IQSEC3: variants seen among roughly 807,000 people sequenced by gnomAD.
IQSEC3 encodes IQ motif and SEC7 domain-containing protein 3.
In IQSEC3, 50 loss-of-function variants were observed where a neutral mutation model predicts 105.4. The ratio of observed to expected loss-of-function variants is 0.47; its 90% confidence interval spans 0.38 to 0.60. IQSEC3 has a LOEUF of 0.60. Ranked by LOEUF, IQSEC3 falls within the 20% of genes least tolerant of loss-of-function variation. The pLI, the probability that IQSEC3 is intolerant of heterozygous loss-of-function variation, is 0.00. For missense variants in IQSEC3, 1,415 were observed against 1,630.0 expected (o/e 0.87, Z 2.27); for synonymous variants, 708 against 746.0 (o/e 0.95, Z 0.83).
At chr12:157,869 C>T (rs933837678) in intron 7 of IQSEC3, among the ~76,000 whole-genome samples, 175 bp downstream of exon 7, 4 of 152,226 alleles carry the variant, frequency 2.6e-5, no homozygotes, top group South Asian at 2.1e-4. Flanking sequence ...GGGGAGTTTC[C>T]GGCATGCAGC....
intron 1 of IQSEC3, among the ~76,000 whole-genome samples, chr12:94,439 T>A (rs782463182): frequency 6.6e-6 from 1 of 152,160 alleles, no homozygotes; most frequent in Non-Finnish European, 1.5e-5. Flanking sequence ...GACTTACAAT[T>A]CAGCATGAGC....
chr12:167,591 G>T (rs117080934), intron 11 of IQSEC3: 1 of 124,938 alleles, frequency 8.0e-6, no homozygotes, highest in Non-Finnish European at 1.8e-5. Flanking sequence ...AAAAAAAAAA[G>T]AAAATGGGCT....
rs1555098300 is a variant in IQSEC3 at position 165,891 on chromosome 12, G to A, written c.2971+1G>A. On this transcript the variant is annotated splice_donor_variant, in intron 11 of 13. Coordinates refer to ENST00000538872, the MANE Select transcript of IQSEC3 (RefSeq NM_001170738.2). LOFTEE classifies it high-confidence loss of function. ...GAGCTGGAGCAGATCCGAATAGAGTGTAAGGACACGGGCTCCCGAGGCAGC... is the reference window on the plus strand; with the variant it reads ...GAGCTGGAGCAGATCCGAATAGAGTATAAGGACACGGGCTCCCGAGGCAGC... The A allele has an allele frequency of 3.7e-6, 6 of 1,612,712 alleles. No individual in the cohort carries two copies. The highest frequency in any genetic ancestry group is 3.4e-6 in the Non-Finnish European group (4 of 1,178,994).
At chr12:78,922 C>G (rs141506455) in intron 1 of IQSEC3, among the ~76,000 whole-genome samples, 3 of 152,170 alleles carry the variant, frequency 2.0e-5, no homozygotes, top group Admixed American at 6.5e-5. Context: ...ACCCCCCACC[C>G]TGACCCCGGC....
intron 5 of IQSEC3, among the ~76,000 whole-genome samples, chr12:156,732 G>A (rs1555094364): frequency 2.0e-5 from 3 of 152,194 alleles, no homozygotes; most frequent in African/African-American, 7.2e-5. Flanking sequence ...GTACTCTGAG[G>A]TTAAGAAGGA....
Position 141,110 on chromosome 12 carries a change from A to ACCC in IQSEC3, c.1992-11_1992-9dup. On this transcript the variant is annotated splice_polypyrimidine_tract_variant and intron_variant, in intron 4 of 13. Coordinates refer to ENST00000538872, the MANE Select transcript of IQSEC3 (RefSeq NM_001170738.2). ...AGCTCACTCTCTACTGCTTCTCCCC[A>ACCC]CCCCCACCTCCAGAAACCCCGACAA... 5 of 1,223,574 alleles carry ACCC rather than the reference A, an allele frequency of 4.1e-6. No homozygotes were observed. Among genetic ancestry groups the ACCC allele is most frequent in the Non-Finnish European group, 5.5e-6 (5 of 904,150 alleles). The allele number at this position is 1,223,574 out of a possible 1,614,324, so 75.8% of individuals were successfully genotyped here. A position where few individuals can be genotyped will look rare whatever the true frequency, so the allele number is the denominator to read the frequency against.
chr12:145,460 C>T (rs1555090715), intron 5 of IQSEC3, among the ~76,000 whole-genome samples: 1 of 152,274 alleles, frequency 6.6e-6, no homozygotes. Context: ...TACTTAAAAG[C>T]ACAGACATTA....
At chr12:69,578 T>C (rs1863230164) in intron 1 of IQSEC3, among the ~76,000 whole-genome samples, 1 of 152,254 alleles carries the variant, frequency 6.6e-6, no homozygotes, top group Non-Finnish European at 1.5e-5. Context: ...TTTCTCCAGA[T>C]TCTCCAGCTT....
chr12:73,534 A>G (rs1591623852), intron 1 of IQSEC3, among the ~76,000 whole-genome samples: 3 of 152,178 alleles, frequency 2.0e-5, no homozygotes, highest in African/African-American at 7.2e-5. Flanking sequence ...TTAGCCAGGG[A>G]TGGTGGTCCA....
rs868922337 is a variant in IQSEC3, at chr12:149,380, G to A, written c.2154-7645G>A. Among the ~76,000 whole-genome samples the A allele has an allele frequency of 1.5e-4, 23 of 152,226 alleles. No individual in the cohort carries two copies. In the Middle Eastern group the frequency reaches 0.017, roughly 113 times the overall value. ...CTGCCTGGAGTCTGGAAGCCTCGGG[G>A]CCATTTGCAAGTCCATCACAGGTCT... is the stretch of plus-strand genomic sequence containing the variant. On this transcript the variant is annotated intron_variant, in intron 5 of 13. Coordinates refer to ENST00000538872, the MANE Select transcript of IQSEC3 (RefSeq NM_001170738.2).
At chr12:120,313 G>A (rs541069217) in intron 2 of IQSEC3, among the ~76,000 whole-genome samples, 6 of 152,286 alleles carry the variant, frequency 3.9e-5, no homozygotes, top group South Asian at 2.1e-4. Flanking sequence ...ATCATAAAGC[G>A]GGATGGTGGC....
chr12:111,069 TG>T (rs1205355446), intron 2 of IQSEC3, among the ~76,000 whole-genome samples: 60 of 152,086 alleles, frequency 3.9e-4, no homozygotes, highest in Non-Finnish European at 1.5e-4. Context: ...CTGAGATGTA[TG>T]GGGGGGCAAG....
chr12:121,894 G>A (rs1865230597), intron 2 of IQSEC3, among the ~76,000 whole-genome samples: 2 of 152,146 alleles, frequency 1.3e-5, no homozygotes, highest in African/African-American at 2.4e-5. Context: ...TTGAAAAGTT[G>A]TTATTAGGAT....
chr12:107,630 T>C (rs373263184), intron 2 of IQSEC3, among the ~76,000 whole-genome samples: 1 of 151,994 alleles, frequency 6.6e-6, no homozygotes, highest in East Asian at 1.9e-4. Flanking sequence ...CAGGATGGTC[T>C]CGATCTCCTG....
chr12:157,768 T>A, intron 7 of IQSEC3, 74 bp downstream of exon 7: 1 of 1,496,576 alleles, frequency 6.7e-7, no homozygotes, highest in Non-Finnish European at 9.1e-7. Context: ...GTGCATTCTG[T>A]GAGTCTGAGC....
At position 94,733 on chromosome 12, in the gene IQSEC3, G is replaced by A. The variant is rs1293839913; in HGVS notation, c.555-4413G>A. 2.0e-5 allele frequency among the ~76,000 whole-genome samples: 3 copies of A among 152,244 alleles called. No homozygotes were observed. In the East Asian group the frequency reaches 5.8e-4, roughly 29 times the overall value. ...CCCTCAGTGTCTGGACAGACGAGTGGCTCCTAACCTTGGGAGGAAGCCTCT... is the reference window on the plus strand; with the variant it reads ...CCCTCAGTGTCTGGACAGACGAGTGACTCCTAACCTTGGGAGGAAGCCTCT... On this transcript the variant is annotated intron_variant, in intron 1 of 13. Coordinates refer to ENST00000538872, the MANE Select transcript of IQSEC3 (RefSeq NM_001170738.2).
intron 7 of IQSEC3, 70 bp from the exon 8 acceptor site, chr12:161,856 G>A (rs12579600): frequency 0.88 from 1,292,037 of 1,463,914 alleles, 572,834 homozygotes; most frequent in East Asian, 0.95. Flanking sequence ...GGTCTCTTCT[G>A]TCTGGCTCCA....
intron 9 of IQSEC3, among the ~76,000 whole-genome samples, chr12:164,054 AC>A (rs781919833): frequency 1.3e-5 from 2 of 152,350 alleles, no homozygotes; most frequent in South Asian, 4.1e-4. Context: ...ACACATACAC[AC>A]ATCTGTACCC....
intron 13 of IQSEC3, among the ~76,000 whole-genome samples, chr12:172,823 C>G (rs1486345729): frequency 3.3e-5 from 5 of 152,198 alleles, no homozygotes; most frequent in African/African-American, 1.2e-4. Context: ...TTACTGACCA[C>G]TAAAGAGGAA....
Sources: allele counts gnomAD v4.1 joint callset (sites outside exome capture counted in the v4.1 genomes callset), GRCh38; gene constraint gnomAD v4.1.1; transcripts MANE v1.5; gene names NCBI Gene and HGNC (gene_info 2026-07-23, HGNC 2026-07-21).